Variants in TMEM232 observed in about 807,000 individuals in gnomAD.
The protein encoded by TMEM232 is transmembrane protein 232.
Under a neutral mutation model 78.8 loss-of-function variants are expected in TMEM232, and 80 were observed. The observed-to-expected ratio is 1.01, with a 90% CI of 0.85 to 1.22. TMEM232 has a LOEUF of 1.22. Among genes scored for constraint, TMEM232 ranks in the 50% most tolerant of loss-of-function variants. TMEM232 has a pLI of 0.00. For synonymous variants in TMEM232, 297 were observed against 254.3 expected (o/e 1.17, Z -1.60); for missense variants, 881 against 742.2 (o/e 1.19, Z -2.17).
chr5:110,691,662 C>A (rs1794131792), intron 1 of TMEM232, among the ~76,000 whole-genome samples: 1 of 152,178 alleles, frequency 6.6e-6, no homozygotes, highest in East Asian at 1.9e-4. Context: ...CTTTGTCTAT[C>A]AGATAAAACA....
chr5:110,706,431 T>A lies in TMEM232; in HGVS notation c.-13+20196A>T, dbSNP rs190829373. ...TGATTATTTTTCTAATGTTTCTATG[T>A]TACAAATGTTATAAATGCTGCAAAG... On this transcript the variant is annotated intron_variant, in intron 1 of 13. Transcript: ENST00000455884. 2.0e-3 allele frequency among the ~76,000 whole-genome samples: 307 copies of A among 152,276 alleles called. 1 individual carries two copies. Among genetic ancestry groups the A allele is most frequent in the African/African-American group, 6.8e-3 (281 of 41,568 alleles).
chr5:110,664,675 C>G (rs1185128587), intron 2 of TMEM232, among the ~76,000 whole-genome samples: 3 of 152,214 alleles, frequency 2.0e-5, no homozygotes. Context: ...AGGGTGCCAG[C>G]ATGGGCTGGT....
At chr5:110,445,127 C>T (rs561439414) in intron 12 of TMEM232, among the ~76,000 whole-genome samples, 187 of 151,808 alleles carry the variant, frequency 1.2e-3, no homozygotes, top group African/African-American at 4.3e-3. Context: ...TTTTTTTGGA[C>T]ATTTTTTTCT....
chr5:110,682,097 T>C (rs1211818351), intron 1 of TMEM232, among the ~76,000 whole-genome samples: 1 of 152,184 alleles, frequency 6.6e-6, no homozygotes, highest in African/African-American at 2.4e-5. Flanking sequence ...AAAATAAACT[T>C]GTTAAATTGG....
intron 11 of TMEM232, among the ~76,000 whole-genome samples, chr5:110,539,597 A>T (rs904985118): frequency 2.6e-5 from 4 of 152,226 alleles, no homozygotes; most frequent in Non-Finnish European, 5.9e-5. Context: ...ATACACTTGG[A>T]CAGTGCTCCC....
intron 12 of TMEM232, among the ~76,000 whole-genome samples, chr5:110,489,695 A>G (rs1764824852): frequency 1.3e-5 from 2 of 152,138 alleles, no homozygotes; most frequent in South Asian, 2.1e-4. Context: ...TAGATTAGAA[A>G]TGAGGAAGTT....
At chr5:110,509,694 T>C (rs1191294881) in intron 12 of TMEM232, among the ~76,000 whole-genome samples, 1 of 152,162 alleles carries the variant, frequency 6.6e-6, no homozygotes, top group East Asian at 1.9e-4. Context: ...AAATGTTTTA[T>C]TAGGTTTCTA....
intron 1 of TMEM232, among the ~76,000 whole-genome samples, chr5:110,710,087 A>G (rs1364568340): frequency 6.6e-6 from 1 of 152,130 alleles, no homozygotes; most frequent in Non-Finnish European, 1.5e-5. Flanking sequence ...GAGACATTGC[A>G]ATAGATACCG....
At chr5:110,619,522 T>C (rs1783367498) in intron 7 of TMEM232, among the ~76,000 whole-genome samples, 1 of 152,174 alleles carries the variant, frequency 6.6e-6, no homozygotes, top group African/African-American at 2.4e-5. Context: ...ACAAAGCTAC[T>C]GATTCTGGGG....
At chr5:110,441,423 T>C (rs1456858646) in intron 12 of TMEM232, among the ~76,000 whole-genome samples, 4 of 152,124 alleles carry the variant, frequency 2.6e-5, no homozygotes, top group Non-Finnish European at 4.4e-5. Context: ...AGTTTCAAGT[T>C]TCCTTTTTCC....
intron 4 of TMEM232, among the ~76,000 whole-genome samples, chr5:110,388,567 T>G (rs1755063973): frequency 6.6e-6 from 1 of 152,194 alleles, no homozygotes; most frequent in Admixed American, 6.5e-5. Flanking sequence ...AATTTCTTTT[T>G]TAACTCCTAT....
chr5:110,731,182 C>T (rs1454527300), upstream of TMEM232, among the ~76,000 whole-genome samples: 2 of 152,152 alleles, frequency 1.3e-5, no homozygotes. Flanking sequence ...GTCTCACCTC[C>T]AGGTCATGGT....
chr5:110,674,041 C>T (rs1443466971), intron 1 of TMEM232, among the ~76,000 whole-genome samples: 1 of 149,010 alleles, frequency 6.7e-6, no homozygotes, highest in Non-Finnish European at 1.5e-5. Context: ...TTTTCCAACT[C>T]CAACACAAAC....
chr5:110,550,593 G>A (rs1774330834), intron 11 of TMEM232, among the ~76,000 whole-genome samples: 1 of 151,540 alleles, frequency 6.6e-6, no homozygotes, highest in African/African-American at 2.4e-5. Flanking sequence ...TTCTATATAT[G>A]CATATATTTG....
intron 1 of TMEM232, among the ~76,000 whole-genome samples, chr5:110,706,932 C>T (rs1795985048): frequency 6.6e-6 from 1 of 152,028 alleles, no homozygotes; most frequent in Admixed American, 6.6e-5. Context: ...CAATTTGATC[C>T]CCTAAATGCT....
At chr5:110,670,650 A>T (rs1278456596) in intron 1 of TMEM232, among the ~76,000 whole-genome samples, 1 of 152,042 alleles carries the variant, frequency 6.6e-6, no homozygotes, top group Admixed American at 6.6e-5. Flanking sequence ...AGCTGTGCTG[A>T]GCTATATAGA....
chr5:110,452,790 A>C (rs1682279398), intron 12 of TMEM232, among the ~76,000 whole-genome samples: 1 of 152,222 alleles, frequency 6.6e-6, no homozygotes, highest in Admixed American at 6.5e-5. Flanking sequence ...TGGAAGAACA[A>C]ATAAAAGGGC....
At chr5:110,421,495 G>A (rs772292378) in intron 13 of TMEM232, among the ~76,000 whole-genome samples, 4 of 151,884 alleles carry the variant, frequency 2.6e-5, no homozygotes, top group Non-Finnish European at 5.9e-5. Flanking sequence ...AAAACAGATG[G>A]TGAACACTTT....
intron 11 of TMEM232, among the ~76,000 whole-genome samples, chr5:110,533,107 A>C (rs896239890): frequency 6.6e-6 from 1 of 151,828 alleles, no homozygotes; most frequent in Admixed American, 6.6e-5. Context: ...TTTTTTCACT[A>C]TTCCCCTGCA....
Sources: allele counts gnomAD v4.1 joint callset (sites outside exome capture counted in the v4.1 genomes callset), GRCh38; gene constraint gnomAD v4.1.1; transcripts MANE v1.5; gene names NCBI Gene and HGNC (gene_info 2026-07-23, HGNC 2026-07-21).